MIER3: variants seen among roughly 807,000 people sequenced by gnomAD.
MIER3 encodes MIER family member 3, also known as mesoderm induction early response protein 3.
MIER3 carries 9 observed loss-of-function variants against 63.2 expected under a neutral mutation model. The observed-to-expected ratio is 0.14, with a 90% CI of 0.09 to 0.25. MIER3 has a LOEUF of 0.25. Among genes scored for constraint, MIER3 ranks in the 10% least tolerant of loss-of-function variants. The pLI is 1.00. For missense variants in MIER3, 512 were observed against 666.2 expected (o/e 0.77, Z 2.55); for synonymous variants, 205 against 224.9 (o/e 0.91, Z 0.79).
intron 2 of MIER3, among the ~76,000 whole-genome samples, chr5:56,948,877 G>C (rs573152750): frequency 1.3e-5 from 2 of 152,098 alleles, no homozygotes; most frequent in African/African-American, 4.8e-5. Flanking sequence ...TGGCACAACA[G>C]GCCTCCCCTT....
chr5:56,933,353 A>G lies in MIER3; in HGVS notation c.641T>C (p.Leu214Ser). The G allele has an allele frequency of 1.2e-6, 2 of 1,613,070 alleles. No individual in the cohort carries two copies. The highest frequency in any genetic ancestry group is 1.7e-6 in the Non-Finnish European group (2 of 1,179,562). ...AAGGTATTCCTTAACTTTGCTCTCC[A>G]AAACCACATCAGGACACCAAAGTAA... ...DQLLWCPDVV[L>S]ESKVKEYLVE... Residue 214 changes from leucine (L) to serine (S), a missense_variant, in exon 8 of 13, where the codon TTG becomes TCG. This residue lies in a region of MIER3 where 118 missense variants were observed against 133.6 expected (regional missense o/e 0.88). Coordinates refer to ENST00000381199, the MANE Select transcript of MIER3 (RefSeq NM_001297599.2).
chr5:56,935,292 T>G (rs949476984), intron 7 of MIER3, 136 bp downstream of exon 7: 14 of 699,298 alleles, frequency 2.0e-5, no homozygotes, highest in Non-Finnish European at 3.1e-5. Context: ...AAGTCAGGCC[T>G]AAAAATCCTA....
At position 56,933,382 on chromosome 5, in the gene MIER3, G is replaced by T; in HGVS notation, c.612C>A (p.Asp204Glu). The change falls in exon 8 of 13, where the codon GAC (aspartate) becomes GAA (glutamate). Residue 204 changes from aspartate (D) to glutamate (E), a missense_variant. Physicochemically the swap from Asp to Glu is conservative, Grantham distance 45. Transcript: ENST00000381199. ...CCACATCAGGACACCAAAGTAACTGGTCTTCGTTTTCATATACTGATAAAG... is the reference window on the plus strand; with the variant it reads ...CCACATCAGGACACCAAAGTAACTGTTCTTCGTTTTCATATACTGATAAAG... Reference protein sequence around the residue: ...DGNEKVYENEDQLLWCPDVVL... With the variant: ...DGNEKVYENEEQLLWCPDVVL... 1.2e-6 allele frequency: 2 copies of T among 1,609,392 alleles called. No individual in the cohort carries two copies. Among genetic ancestry groups the T allele is most frequent in the Non-Finnish European group, 8.5e-7 (1 of 1,178,124 alleles).
chr5:56,929,025 T>C (rs1366822358), intron 9 of MIER3, 164 bp from the exon 10 acceptor site: 8 of 540,384 alleles, frequency 1.5e-5, no homozygotes. Flanking sequence ...TCTCTCTCTC[T>C]CTGTATGCAG....
Position 56,923,334 on chromosome 5 carries a change from T to G in MIER3, c.1447A>C (p.Lys483Gln). Residue 483 changes from lysine (K) to glutamine (Q), a missense_variant, in exon 13 of 13, where the codon AAA becomes CAA. Lys to Gln is a moderately conservative substitution (Grantham distance 53, BLOSUM62 1). This residue lies in a region of MIER3 where 218 missense variants were observed against 251.2 expected (regional missense o/e 0.87). Transcript: ENST00000381199. ...EESERPAKRLKMGIAVPESFM... is the reference protein window; with the variant it reads ...EESERPAKRLQMGIAVPESFM... Reference sequence around the variant, plus strand: ...GATTCAGGGACGGCAATGCCCATTTTCAATCTTTTTGCTGGTCTCTCTGAC... The same window carrying G: ...GATTCAGGGACGGCAATGCCCATTTGCAATCTTTTTGCTGGTCTCTCTGAC... The G allele has an allele frequency of 6.2e-7, 1 of 1,614,194 alleles. No homozygotes were observed.
chr5:56,951,961 C>T (rs2112165014), intron 1 of MIER3, 133 bp downstream of exon 1: 6 of 745,012 alleles, frequency 8.1e-6, no homozygotes, highest in East Asian at 5.3e-5. Context: ...CGCCCCGCGA[C>T]CCCCGCGTCG....
intron 5 of MIER3, 109 bp downstream of exon 5, chr5:56,937,469 A>G: frequency 2.7e-6 from 3 of 1,098,946 alleles, no homozygotes; most frequent in Admixed American, 2.8e-5. Context: ...TTTTATCTCA[A>G]CCACATAAAA....
intron 2 of MIER3, among the ~76,000 whole-genome samples, chr5:56,948,652 G>A (rs1750911436): frequency 6.6e-6 from 1 of 152,022 alleles, no homozygotes; most frequent in African/African-American, 2.4e-5. Flanking sequence ...CTGAGCAATG[G>A]AGCAAGACTC....
rs1478533838 is a variant in MIER3 at position 56,919,642 on chromosome 5, G to C, written c.*3486C>G. 6.6e-6 allele frequency: 1 copy of C among 152,502 alleles called. No homozygotes were observed. Among genetic ancestry groups the C allele is most frequent in the Non-Finnish European group, 1.5e-5 (1 of 68,008 alleles). 9.4% of individuals were successfully genotyped at this position (152,502 alleles called of 1,614,324 possible). On this transcript the variant is annotated 3_prime_UTR_variant, in exon 13 of 13. Transcript: ENST00000381199. ...TTTTATTTCTGGAACTGTACACCAG[G>C]TATTAAAGTACAACAAATACAAAAT...
rs1749804715 is a variant in MIER3 at position 56,923,710 on chromosome 5, G to A, written c.1176C>T (p.Phe392=). 1.9e-6 allele frequency: 3 copies of A among 1,614,242 alleles called. No homozygotes were observed. Among genetic ancestry groups the A allele is most frequent in the Non-Finnish European group, 2.5e-6 (3 of 1,180,030 alleles). The change falls in exon 12 of 13, where the codon TTC becomes TTT. Residue 392 remains phenylalanine (F), a synonymous_variant. Transcript: ENST00000381199. ...PDQQLNILNS[F]TASDLTALTN... ...TTTTACCTGTCAAGTCACTGGCAGT[G>A]AAGGAGTTGAGAATGTTTAGCTGTT...
At chr5:56,944,889 G>T (rs752016331) in intron 3 of MIER3, among the ~76,000 whole-genome samples, 2 of 147,402 alleles carry the variant, frequency 1.4e-5, no homozygotes, top group African/African-American at 2.5e-5. Flanking sequence ...TAGAAACAGG[G>T]TCTCACTATG....
Position 56,930,821 on chromosome 5 carries a change from G to A in MIER3, c.748-76C>T, listed in dbSNP as rs890798629. 6.0e-6 allele frequency: 7 copies of A among 1,170,830 alleles called. No homozygotes were observed. The African/African-American group carries it at 9.1e-5, about 15-fold the overall frequency. 72.5% of individuals were successfully genotyped at this position (1,170,830 alleles called of 1,614,324 possible). A position where few individuals can be genotyped will look rare whatever the true frequency, so the allele number is the denominator to read the frequency against. ...TTTAAAAAACAGGTGTAAGAGTTTT[G>A]ATAAATATTGGAGTCTTGATAAACA... On this transcript the variant is annotated intron_variant, in intron 8 of 12. Coordinates refer to ENST00000381199, the MANE Select transcript of MIER3 (RefSeq NM_001297599.2).
intron 9 of MIER3, among the ~76,000 whole-genome samples, chr5:56,930,012 T>G (rs139693384): frequency 7.2e-4 from 110 of 152,330 alleles, no homozygotes; most frequent in African/African-American, 2.3e-3. Flanking sequence ...GACATTTTAA[T>G]AGACTATCTC....
intron 1 of MIER3, 64 bp from the exon 2 acceptor site, chr5:56,950,716 A>C: frequency 6.3e-7 from 1 of 1,588,714 alleles, no homozygotes; most frequent in Non-Finnish European, 8.6e-7. Context: ...CAGCGCCGGC[A>C]ACAGGGCGCA....
chr5:56,933,841 T>C lies in MIER3; in HGVS notation c.596-443A>G, dbSNP rs1052101996. 3.3e-5 allele frequency among the ~76,000 whole-genome samples: 5 copies of C among 152,222 alleles called. No individual in the cohort carries two copies. In the East Asian group the frequency reaches 9.7e-4, roughly 29 times the overall value. On this transcript the variant is annotated intron_variant, in intron 7 of 12. Coordinates refer to ENST00000381199, the MANE Select transcript of MIER3 (RefSeq NM_001297599.2). Reference sequence around the variant, plus strand: ...GCAAATAAATAAAACCCAAAATATCTGGTAATAAGGAAATACCTAAGAAGG... The same window carrying C: ...GCAAATAAATAAAACCCAAAATATCCGGTAATAAGGAAATACCTAAGAAGG...
chr5:56,923,467 T>A lies in MIER3; in HGVS notation c.1314A>T (p.Thr438=), dbSNP rs1473518186. The change falls in exon 13 of 13, where the codon ACA becomes ACT. Residue 438 remains threonine, a synonymous_variant. Transcript: ENST00000381199. ...TGCTGGGCAGGGTGAGTAACTCTTC[T>A]GTTACAACAGGCACATGATTAACTT... The part of the protein sequence containing the change: ...RGQVNHVPVV[T]EELLTLPSNG... The A allele has an allele frequency of 1.9e-6, 3 of 1,614,196 alleles. No homozygotes were observed. The highest frequency in any genetic ancestry group is 2.5e-6 in the Non-Finnish European group (3 of 1,180,038).
chr5:56,941,178 T>C, intron 3 of MIER3: 2 of 982,782 alleles, frequency 2.0e-6, no homozygotes, highest in Non-Finnish European at 2.4e-6. Context: ...TCTGTAAGGA[T>C]GTAAGGATGA....
chr5:56,935,633 G>A (rs1579850682), intron 6 of MIER3, 33 bp downstream of exon 6: 1 of 1,577,548 alleles, frequency 6.3e-7, no homozygotes, highest in African/African-American at 1.4e-5. Context: ...ATTTTTAAAA[G>A]CCAATTTAGT....
chr5:56,929,011 T>A (rs1287411104), intron 9 of MIER3, 150 bp from the exon 10 acceptor site: 3,812 of 141,450 alleles, frequency 0.027, 7 homozygotes, highest in South Asian at 0.084. Flanking sequence ...ACACACTCTC[T>A]CTCTCTCTCT....
Sources: gnomAD v4.1 joint callset for allele counts (sites outside exome capture counted in the v4.1 genomes callset) on GRCh38, gnomAD v4.1.1 for gene constraint, gnomAD v4.1.1 regional missense constraint, MANE v1.5 for transcripts, NCBI Gene and HGNC (gene_info 2026-07-23, HGNC 2026-07-21) for gene names.